KIAA0319L: variants seen among roughly 807,000 people sequenced by gnomAD.
KIAA0319L encodes KIAA0319 like.
In KIAA0319L, 55 loss-of-function variants were observed where a neutral mutation model predicts 120.1. The ratio of observed to expected loss-of-function variants is 0.46; its 90% CI spans 0.37 to 0.57. The LOEUF (loss-of-function observed/expected upper bound fraction) is 0.57, where lower values mean the gene tolerates loss of function less well. Ranked by LOEUF, KIAA0319L falls within the 20% of genes least tolerant of loss-of-function variation. KIAA0319L has a pLI of 0.00. For synonymous variants in KIAA0319L, 398 were observed against 471.9 expected (o/e 0.84, Z 2.03); for missense variants, 1,049 against 1,255.3 (o/e 0.84, Z 2.48).
rs760298366 is a variant in KIAA0319L, at chr1:35,470,827, T to C, written c.1113+36A>G. ...CATTTTAGAAAACAGTCAACTCCTC[T>C]ACCTTTGCCCTGCAAGTGAAAGGAG... On this transcript the variant is annotated intron_variant, in intron 6 of 20. Coordinates refer to ENST00000325722, the MANE Select transcript of KIAA0319L (RefSeq NM_024874.5). 1.3e-5 allele frequency: 17 copies of C among 1,261,732 alleles called. No individual in the cohort carries two copies. The East Asian group carries it at 3.2e-4, about 24-fold the overall frequency. The allele number at this position is 1,261,732 out of a possible 1,614,324, so 78.2% of individuals were successfully genotyped here.
intron 5 of KIAA0319L, 150 bp downstream of exon 5, chr1:35,474,655 G>C: frequency 1.9e-6 from 1 of 530,156 alleles, no homozygotes; most frequent in South Asian, 2.9e-5. Context: ...GCCAGGAGTG[G>C]TAGTGTATGC....
chr1:35,496,459 A>G (rs942507262), intron 3 of KIAA0319L, among the ~76,000 whole-genome samples: 2 of 152,176 alleles, frequency 1.3e-5, no homozygotes, highest in African/African-American at 2.4e-5. Flanking sequence ...AATGTAATCC[A>G]GCTATTCCAC....
At chr1:35,520,108 CTTT>C (rs557915516) in intron 2 of KIAA0319L, among the ~76,000 whole-genome samples, 1 of 142,838 alleles carries the variant, frequency 7.0e-6, no homozygotes. Context: ...CTTTTCTTTT[CTTT>C]TTTTTTTTTG....
At chr1:35,478,664 C>G (rs1644011376) in intron 4 of KIAA0319L, among the ~76,000 whole-genome samples, 1 of 152,200 alleles carries the variant, frequency 6.6e-6, no homozygotes, top group Non-Finnish European at 1.5e-5. Flanking sequence ...TGATCCAAAT[C>G]TTTCTTCCCA....
At chr1:35,509,897 G>A (rs1287594483) in intron 2 of KIAA0319L, 1 of 152,336 alleles carries the variant, frequency 6.6e-6, no homozygotes, top group Non-Finnish European at 1.5e-5. Flanking sequence ...CTGCAGCAAG[G>A]AGCCTGGATG....
At chr1:35,457,031 C>T (rs1341971561) in intron 9 of KIAA0319L, among the ~76,000 whole-genome samples, 3 of 152,034 alleles carry the variant, frequency 2.0e-5, no homozygotes, top group African/African-American at 7.2e-5. Flanking sequence ...AATATGTCTC[C>T]AGCGCCATTT....
At chr1:35,526,290 C>T (rs1243752931) in intron 2 of KIAA0319L, among the ~76,000 whole-genome samples, 10 of 146,210 alleles carry the variant, frequency 6.8e-5, no homozygotes, top group Admixed American at 6.9e-5. Flanking sequence ...ATTTAAAACC[C>T]ACATATATAT....
intron 1 of KIAA0319L, chr1:35,556,376 G>GA (rs1205114900): frequency 1.3e-5 from 2 of 152,242 alleles, no homozygotes; most frequent in Non-Finnish European, 2.9e-5. Context: ...GAGCACGTCT[G>GA]AAACAATCTA....
chr1:35,542,006 T>C (rs1646812220), intron 2 of KIAA0319L, among the ~76,000 whole-genome samples: 1 of 152,160 alleles, frequency 6.6e-6, no homozygotes, highest in Admixed American at 6.5e-5. Context: ...CTTTCCCCAA[T>C]AATACAGAAG....
At chr1:35,479,432 G>A (rs1219300895) in intron 3 of KIAA0319L, among the ~76,000 whole-genome samples, 1 of 152,142 alleles carries the variant, frequency 6.6e-6, no homozygotes, top group Non-Finnish European at 1.5e-5. Flanking sequence ...AAACAAAATA[G>A]TAATTTTCTG....
intron 14 of KIAA0319L, 51 bp downstream of exon 14, chr1:35,450,307 C>T (rs774781919): frequency 1.2e-5 from 19 of 1,551,586 alleles, no homozygotes; most frequent in Middle Eastern, 2.2e-4. Context: ...GAACGCGTGG[C>T]TCCTCCTCCT....
intron 2 of KIAA0319L, among the ~76,000 whole-genome samples, chr1:35,541,145 T>C (rs115971777): frequency 0.013 from 2,036 of 152,070 alleles, 51 homozygotes; most frequent in African/African-American, 0.046. Flanking sequence ...TCTCACTATG[T>C]TGTCCAGACT....
At chr1:35,523,344 T>C (rs1387495614) in intron 2 of KIAA0319L, among the ~76,000 whole-genome samples, 1 of 152,236 alleles carries the variant, frequency 6.6e-6, no homozygotes, top group Non-Finnish European at 1.5e-5. Context: ...TACCCCTGCA[T>C]CTCTAATTCT....
chr1:35,489,141 G>C (rs1177231923), intron 3 of KIAA0319L, among the ~76,000 whole-genome samples: 1 of 152,022 alleles, frequency 6.6e-6, no homozygotes, highest in African/African-American at 2.4e-5. Context: ...ATCAGAGAAG[G>C]CTTCAAAAAG....
intron 7 of KIAA0319L, among the ~76,000 whole-genome samples, 155 bp from the exon 8 acceptor site, chr1:35,462,868 A>G (rs1040773834): frequency 4.6e-5 from 7 of 151,680 alleles, no homozygotes; most frequent in Non-Finnish European, 5.9e-5. Flanking sequence ...CAATTTTTCC[A>G]TGAACGGGTG....
chr1:35,465,089 G>T (rs1055824962), intron 7 of KIAA0319L, among the ~76,000 whole-genome samples: 1 of 152,220 alleles, frequency 6.6e-6, no homozygotes, highest in Non-Finnish European at 1.5e-5. Context: ...ATATGGGGTT[G>T]GAGGCCCACA....
chr1:35,554,704 C>A (rs1385815852), intron 1 of KIAA0319L, 185 bp from the exon 2 acceptor site: 3 of 410,372 alleles, frequency 7.3e-6, no homozygotes, highest in African/African-American at 4.1e-5. Flanking sequence ...ATCAGAATAA[C>A]AACACAGCAA....
intron 2 of KIAA0319L, among the ~76,000 whole-genome samples, chr1:35,517,294 G>A (rs1157578735): frequency 6.6e-6 from 1 of 152,090 alleles, no homozygotes; most frequent in Non-Finnish European, 1.5e-5. Context: ...GTGGTACCAC[G>A]TTACCCGACT....
intron 20 of KIAA0319L, chr1:35,440,829 CCCG>C (rs1641153155): frequency 1.8e-6 from 1 of 565,052 alleles, no homozygotes; most frequent in Non-Finnish European, 3.2e-6. Flanking sequence ...GCCCAGCACC[CCCG>C]CCAAGCGGAA....
Sources: allele counts gnomAD v4.1 joint callset (sites outside exome capture counted in the v4.1 genomes callset), GRCh38; gene constraint gnomAD v4.1.1; transcripts MANE v1.5; gene names NCBI Gene and HGNC (gene_info 2026-07-23, HGNC 2026-07-21).